The following EFR3B variants were observed in gnomAD, a reference collection of about 807,000 sequenced individuals.
EFR3B encodes the protein EFR3 homolog B, also known as protein EFR3 homolog B.
A neutral mutation model predicts 104.7 loss-of-function variants in EFR3B; 64 were observed. The observed-to-expected ratio is 0.61, with a 90% CI of 0.50 to 0.75. The LOEUF (loss-of-function observed/expected upper bound fraction) is 0.75. Ranked by LOEUF, EFR3B falls within the 30% of genes least tolerant of loss-of-function variation. EFR3B has a pLI of 0.00. For missense variants in EFR3B, 750 were observed against 1,078.5 expected (o/e 0.70, Z 4.27); for synonymous variants, 385 against 417.9 (o/e 0.92, Z 0.96).
chr2:25,131,582 C>G lies in EFR3B; in HGVS notation c.985+79C>G. 1.3e-6 allele frequency: 2 copies of G among 1,526,246 alleles called. No homozygotes were observed. The highest frequency in any genetic ancestry group is 1.8e-6 in the Non-Finnish European group (2 of 1,131,972). 94.5% of individuals were successfully genotyped at this position (1,526,246 alleles called of 1,614,324 possible). On this transcript the variant is annotated intron_variant, in intron 9 of 22. Coordinates refer to ENST00000403714, the MANE Select transcript of EFR3B (RefSeq NM_014971.2). This position sits in a 1 kb window ranked among gnomAD's most constrained non-coding sequence, Gnocchi z 7.6. ...TCTTACAGAGAGAGGCAAGGGACAA[C>G]AGGGAGGGGTCGGAGTCCGTTTTCC...
In EFR3B at chr2:25,131,327, G is replaced by C. The variant is rs1017136083; in HGVS notation, c.850-41G>C. 3.7e-5 allele frequency: 57 copies of C among 1,541,802 alleles called. No homozygotes were observed. The highest frequency in any genetic ancestry group is 4.7e-5 in the Non-Finnish European group (54 of 1,140,980). On this transcript the variant is annotated intron_variant, in intron 8 of 22. Transcript: ENST00000403714. This position sits in a 1 kb window ranked among gnomAD's most constrained non-coding sequence, Gnocchi z 7.6. ...GAGGGCTGCGCAGCCCAGGGACCCCGTGGGGTTGCTGTCCAGGCCCAGCTC... is the reference window on the plus strand; with the variant it reads ...GAGGGCTGCGCAGCCCAGGGACCCCCTGGGGTTGCTGTCCAGGCCCAGCTC...
intron 3 of EFR3B, among the ~76,000 whole-genome samples, chr2:25,099,845 G>T (rs1669382204): frequency 6.7e-6 from 1 of 148,624 alleles, no homozygotes; most frequent in South Asian, 2.1e-4. Flanking sequence ...TCCTCCCTGT[G>T]CTTTCTGTTC....
intron 1 of EFR3B, among the ~76,000 whole-genome samples, chr2:25,050,130 GAA>G (rs766281554): frequency 2.2e-5 from 3 of 138,800 alleles, no homozygotes; most frequent in Admixed American, 7.3e-5. Flanking sequence ...AACTCCATCT[GAA>G]AAAAAAAAAA....
At chr2:25,106,075 G>T (rs1345834385) in intron 4 of EFR3B, among the ~76,000 whole-genome samples, 1 of 152,212 alleles carries the variant, frequency 6.6e-6, no homozygotes, top group Admixed American at 6.5e-5. Flanking sequence ...TCTGTGCCCA[G>T]ACCTTCTTGA....
At chr2:25,043,622 C>T (rs1667639193) in intron 1 of EFR3B, among the ~76,000 whole-genome samples, 1 of 152,166 alleles carries the variant, frequency 6.6e-6, no homozygotes, top group African/African-American at 2.4e-5. Flanking sequence ...TCTCTTGGAC[C>T]AAGTGGGAGG....
At chr2:25,083,741 A>T (rs1668873850) in intron 1 of EFR3B, among the ~76,000 whole-genome samples, 1 of 152,222 alleles carries the variant, frequency 6.6e-6, no homozygotes, top group African/African-American at 2.4e-5. Flanking sequence ...AAGAAAAGGG[A>T]AGAGCTAGAA....
intron 1 of EFR3B, among the ~76,000 whole-genome samples, chr2:25,060,732 A>G (rs911795654): frequency 5.3e-5 from 8 of 152,052 alleles, no homozygotes. Flanking sequence ...CATCATGGCT[A>G]ACACAGCGAA....
rs751641681 is a variant in EFR3B at position 25,065,922 on chromosome 2, C to T, written c.7+23603C>T. The stretch of plus-strand genomic sequence containing the variant: ...TGAATGTCTCCTTGGAAACCCCTCC[C>T]GCATGAAGGGAGGGAGAGCAGCAGA... On this transcript the variant is annotated intron_variant, in intron 1 of 22. Coordinates refer to ENST00000403714, the MANE Select transcript of EFR3B (RefSeq NM_014971.2). Among the ~76,000 whole-genome samples the T allele has an allele frequency of 1.2e-4, 19 of 152,138 alleles. No homozygotes were observed. The East Asian group carries it at 1.7e-3, about 14-fold the overall frequency.
intron 1 of EFR3B, among the ~76,000 whole-genome samples, chr2:25,059,903 AC>A (rs1247905107): frequency 2.9e-5 from 4 of 137,440 alleles, no homozygotes; most frequent in African/African-American, 1.1e-4. Context: ...AAAAAAAAAG[AC>A]TAAAATGGGC....
rs932813043 is a variant in EFR3B at position 25,115,398 on chromosome 2, G to T, written c.364-6275G>T. Among the ~76,000 whole-genome samples the T allele has an allele frequency of 2.0e-5, 3 of 152,208 alleles. No individual in the cohort carries two copies. The East Asian group carries it at 5.8e-4, about 29-fold the overall frequency. On this transcript the variant is annotated intron_variant, in intron 4 of 22. Coordinates refer to ENST00000403714, the MANE Select transcript of EFR3B (RefSeq NM_014971.2). ...GCTCAGCTCCACCTGTCGCAAGCGGGTTGAGCTGAAATAATTCACTTGCTC... is the reference window on the plus strand; with the variant it reads ...GCTCAGCTCCACCTGTCGCAAGCGGTTTGAGCTGAAATAATTCACTTGCTC...
chr2:25,075,568 G>T (rs1668609878), intron 1 of EFR3B, among the ~76,000 whole-genome samples: 1 of 152,074 alleles, frequency 6.6e-6, no homozygotes. Flanking sequence ...CTCTGTGTGT[G>T]TTTAACAGTT....
chr2:25,123,809 C>G (rs1038875412), intron 5 of EFR3B, among the ~76,000 whole-genome samples: 31 of 152,260 alleles, frequency 2.0e-4, no homozygotes, highest in Non-Finnish European at 5.9e-5. Context: ...CACACACGCA[C>G]ACATGCACAC....
At chr2:25,100,531 TG>T (rs1669402559) in intron 3 of EFR3B, among the ~76,000 whole-genome samples, 1 of 152,134 alleles carries the variant, frequency 6.6e-6, no homozygotes, top group African/African-American at 2.4e-5. Flanking sequence ...CTCACTCTTT[TG>T]CCCAGGCCGG....
At chr2:25,147,120 C>T (rs1294571966) in intron 19 of EFR3B, 1 of 152,268 alleles carries the variant, frequency 6.6e-6, no homozygotes, top group Non-Finnish European at 1.5e-5. Flanking sequence ...GTCTGTTCTC[C>T]AGCGCCCGGC....
rs563057068 is a variant in EFR3B at position 25,150,416 on chromosome 2, A to T, written c.2191+674A>T. ...ACAAAAGAACAAGCTGGCCAATGGA[A>T]GATATTAATAACGAATCATATGAAT... On this transcript the variant is annotated intron_variant, in intron 20 of 22. Transcript: ENST00000403714. Among the ~76,000 whole-genome samples the T allele has an allele frequency of 1.3e-5, 2 of 152,264 alleles. 1 individual carries two copies. The highest frequency in any genetic ancestry group is 4.1e-4 in the South Asian group (2 of 4,822).
At chr2:25,081,921 C>T (rs1049105292) in intron 1 of EFR3B, among the ~76,000 whole-genome samples, 4 of 152,138 alleles carry the variant, frequency 2.6e-5, no homozygotes, top group Admixed American at 1.3e-4. Flanking sequence ...GTGTTTGAGA[C>T]TTTGTTTGTT....
At chr2:25,120,074 G>C (rs545663012) in intron 4 of EFR3B, among the ~76,000 whole-genome samples, 2 of 152,280 alleles carry the variant, frequency 1.3e-5, no homozygotes, top group South Asian at 2.1e-4. Flanking sequence ...AGCTATAAAG[G>C]CTGGGCACGG....
intron 1 of EFR3B, among the ~76,000 whole-genome samples, chr2:25,076,961 T>G (rs1250674589): frequency 6.6e-6 from 1 of 152,224 alleles, no homozygotes; most frequent in Non-Finnish European, 1.5e-5. Flanking sequence ...AAGATCTGTT[T>G]GGAAACTCAA....
intron 17 of EFR3B, among the ~76,000 whole-genome samples, chr2:25,142,131 T>C (rs1670685810): frequency 6.6e-6 from 1 of 152,084 alleles, no homozygotes; most frequent in South Asian, 2.1e-4. Context: ...AGAACCCATC[T>C]CTACAAAAAA....
Sources: gnomAD v4.1 joint callset for allele counts (sites outside exome capture counted in the v4.1 genomes callset) on GRCh38, gnomAD v4.1.1 for gene constraint, Gnocchi (gnomAD v3.1) non-coding constraint, MANE v1.5 for transcripts, NCBI Gene and HGNC (gene_info 2026-07-23, HGNC 2026-07-21) for gene names.